Variants in INPP4B observed in about 807,000 individuals in gnomAD.
INPP4B encodes inositol polyphosphate-4-phosphatase type II B, also known as inositol polyphosphate 4-phosphatase type II.
A neutral mutation model predicts 122.5 loss-of-function variants in INPP4B; 55 were observed. The observed-to-expected ratio is 0.45, with a 90% CI of 0.36 to 0.56. INPP4B has a LOEUF of 0.56. Among genes scored for constraint, INPP4B ranks in the 20% least tolerant of loss-of-function variants. INPP4B has a pLI of 0.00. For synonymous variants in INPP4B, 403 were observed against 388.7 expected, an observed-to-expected ratio of 1.04 and a Z score of -0.43; for missense variants, 1,000 against 1,097.7, an observed-to-expected ratio of 0.91 and a Z score of 1.26.
intron 16 of INPP4B, among the ~76,000 whole-genome samples, chr4:142,164,331 C>T (rs189488273): frequency 7.9e-4 from 120 of 151,910 alleles, no homozygotes; most frequent in South Asian, 2.5e-3. Flanking sequence ...TCCTTATTCT[C>T]GCTGAAAAAA....
chr4:142,769,791 G>C (rs148286472), intron 1 of INPP4B, among the ~76,000 whole-genome samples: 3,092 of 152,134 alleles, frequency 0.02, 103 homozygotes, highest in African/African-American at 0.069. Context: ...GTGCACCCCT[G>C]TAATCTCAGC....
intron 7 of INPP4B, among the ~76,000 whole-genome samples, chr4:142,394,412 T>C (rs566717247): frequency 1.7e-4 from 26 of 152,352 alleles, no homozygotes; most frequent in African/African-American, 6.0e-4. Context: ...CCCAAAGTGC[T>C]GGGATTACAG....
intron 7 of INPP4B, chr4:142,317,398 T>G (rs188448847): frequency 1.6e-5 from 5 of 313,812 alleles, no homozygotes; most frequent in Non-Finnish European, 2.6e-5. Flanking sequence ...AATATGATGT[T>G]GGGAGATGTA....
intron 1 of INPP4B, among the ~76,000 whole-genome samples, chr4:142,816,763 G>T (rs1020581763): frequency 1.3e-5 from 2 of 151,518 alleles, no homozygotes; most frequent in African/African-American, 4.9e-5. Flanking sequence ...TTTCTTAATA[G>T]TATATTTGGA....
At chr4:142,642,672 CT>C (rs1303961747) in intron 2 of INPP4B, among the ~76,000 whole-genome samples, 1 of 152,032 alleles carries the variant, frequency 6.6e-6, no homozygotes, top group Non-Finnish European at 1.5e-5. Context: ...TTACTGTAGC[CT>C]TGTAGTATAG....
chr4:142,279,719 T>C (rs1353168415), intron 9 of INPP4B, among the ~76,000 whole-genome samples: 1 of 151,992 alleles, frequency 6.6e-6, no homozygotes, highest in East Asian at 1.9e-4. Flanking sequence ...ACCAAAGTCA[T>C]GATCTATAAA....
chr4:142,531,181 T>C (rs1047375512), intron 2 of INPP4B, among the ~76,000 whole-genome samples: 1 of 151,648 alleles, frequency 6.6e-6, no homozygotes, highest in Non-Finnish European at 1.5e-5. Context: ...TCAATAGATA[T>C]ACTAATAGAT....
chr4:142,791,345 G>A (rs1228071425), intron 1 of INPP4B, among the ~76,000 whole-genome samples: 1 of 152,080 alleles, frequency 6.6e-6, no homozygotes, highest in Admixed American at 6.6e-5. Flanking sequence ...TCCAGGAGGA[G>A]GAAATGGCTG....
At chr4:142,044,821 G>A (rs773389463) in intron 25 of INPP4B, among the ~76,000 whole-genome samples, 5 of 152,134 alleles carry the variant, frequency 3.3e-5, no homozygotes, top group Non-Finnish European at 7.4e-5. Flanking sequence ...CAATAGATAA[G>A]TTTCACTGAT....
chr4:142,486,127 G>T (rs1303977778), intron 2 of INPP4B, among the ~76,000 whole-genome samples: 1 of 152,106 alleles, frequency 6.6e-6, no homozygotes, highest in Non-Finnish European at 1.5e-5. Flanking sequence ...TATATAGAAA[G>T]CCTTCTAGCT....
At chr4:142,550,677 T>C (rs991521316) in intron 2 of INPP4B, among the ~76,000 whole-genome samples, 8 of 151,682 alleles carry the variant, frequency 5.3e-5, no homozygotes, top group Admixed American at 4.6e-4. Flanking sequence ...CCTTGTACCT[T>C]TGAAGTGTTC....
At position 142,405,197 on chromosome 4, in the gene INPP4B, G is replaced by A. The variant is rs760489924; in HGVS notation, c.255+9C>T. On this transcript the variant is annotated intron_variant, in intron 6 of 25. Transcript: ENST00000262992. ...AGAGAGAGATTAATGTAGGCACACA[G>A]CATCTCACCTCCACAATTTCGGTGC... The A allele has an allele frequency of 3.4e-6, 5 of 1,466,448 alleles. No individual in the cohort carries two copies. The African/African-American group carries it at 7.0e-5, about 20-fold the overall frequency. 90.8% of individuals were successfully genotyped at this position (1,466,448 alleles called of 1,614,324 possible). A position where few individuals can be genotyped will look rare whatever the true frequency, so the allele number is the denominator to read the frequency against.
At chr4:142,790,449 C>A (rs144026921) in intron 1 of INPP4B, among the ~76,000 whole-genome samples, 1 of 152,006 alleles carries the variant, frequency 6.6e-6, no homozygotes, top group South Asian at 2.1e-4. Flanking sequence ...AAATGGCCAA[C>A]AAACATATGA....
At chr4:142,177,651 T>A (rs1299359563) in intron 15 of INPP4B, among the ~76,000 whole-genome samples, 1 of 152,116 alleles carries the variant, frequency 6.6e-6, no homozygotes, top group Non-Finnish European at 1.5e-5. Context: ...TATATTCATT[T>A]AAATACGGTA....
intron 15 of INPP4B, among the ~76,000 whole-genome samples, chr4:142,186,274 A>G (rs1833176260): frequency 6.6e-6 from 1 of 152,178 alleles, no homozygotes; most frequent in Non-Finnish European, 1.5e-5. Context: ...AAACTCATCA[A>G]ATTTTGGAAA....
intron 11 of INPP4B, among the ~76,000 whole-genome samples, chr4:142,258,878 C>T (rs1157561556): frequency 6.6e-6 from 1 of 152,188 alleles, no homozygotes; most frequent in African/African-American, 2.4e-5. Context: ...GACTATAAAT[C>T]ATGCTGCTAT....
At chr4:142,737,494 A>G (rs1456385492) in intron 1 of INPP4B, among the ~76,000 whole-genome samples, 5 of 152,154 alleles carry the variant, frequency 3.3e-5, no homozygotes, top group Admixed American at 6.5e-5. Flanking sequence ...TGTTAGACCT[A>G]AAACCATAAA....
At chr4:142,632,881 G>A (rs1227311270) in intron 2 of INPP4B, among the ~76,000 whole-genome samples, 2 of 150,158 alleles carry the variant, frequency 1.3e-5, no homozygotes, top group Non-Finnish European at 3.0e-5. Flanking sequence ...AGACAGTTAA[G>A]GAAAGACAGA....
intron 2 of INPP4B, among the ~76,000 whole-genome samples, chr4:142,595,337 C>G (rs201315592): frequency 2.6e-5 from 4 of 151,930 alleles, no homozygotes; most frequent in Non-Finnish European, 2.9e-5. Context: ...AAAGATTCTA[C>G]AGCTACCAAT....
Sources: gnomAD v4.1 joint callset for allele counts (sites outside exome capture counted in the v4.1 genomes callset) on GRCh38, gnomAD v4.1.1 for gene constraint, MANE v1.5 for transcripts, NCBI Gene and HGNC (gene_info 2026-07-23, HGNC 2026-07-21) for gene names.